Variants in NTM observed in about 807,000 individuals in gnomAD.
NTM encodes IgLON family member 2.
In NTM, 13 loss-of-function variants were observed where a neutral mutation model predicts 42.1. That is an observed-to-expected ratio of 0.31 (90% CI 0.20 to 0.49). NTM has a LOEUF of 0.49. Ranked by LOEUF, NTM falls within the 20% of genes least tolerant of loss-of-function variation. NTM has a pLI of 0.99. For synonymous variants in NTM, 187 were observed against 179.2 expected, an observed-to-expected ratio of 1.04 and a Z score of -0.35; for missense variants, 373 against 452.8, an observed-to-expected ratio of 0.82 and a Z score of 1.60.
intron 1 of NTM, among the ~76,000 whole-genome samples, chr11:131,583,847 C>T (rs1363922210): frequency 1.3e-5 from 2 of 152,134 alleles, no homozygotes; most frequent in African/African-American, 4.8e-5. Context: ...TTGTATGAAA[C>T]CCATAGATGA....
intron 2 of NTM, among the ~76,000 whole-genome samples, chr11:132,004,637 CACACACACACACACACA>C (rs1431961828): frequency 6.9e-6 from 1 of 144,860 alleles, no homozygotes; most frequent in African/African-American, 2.5e-5. Context: ...CTCTCTCTCA[CACACACACACACACACA>C]ACACACACAC....
chr11:131,929,193 G>A (rs1219716281), intron 2 of NTM, among the ~76,000 whole-genome samples: 1 of 152,216 alleles, frequency 6.6e-6, no homozygotes, highest in African/African-American at 2.4e-5. Context: ...CCTGGTTAGG[G>A]GAAGGCCCTC....
intron 1 of NTM, among the ~76,000 whole-genome samples, chr11:131,409,277 G>C (rs536882374): frequency 6.6e-6 from 1 of 152,340 alleles, no homozygotes; most frequent in South Asian, 2.1e-4. Flanking sequence ...AATGGAGATT[G>C]AGAATGGACA....
At chr11:131,507,597 G>C (rs2047649742) in intron 1 of NTM, among the ~76,000 whole-genome samples, 1 of 150,606 alleles carries the variant, frequency 6.6e-6, no homozygotes, top group African/African-American at 2.4e-5. Flanking sequence ...TGTGAAGAAA[G>C]TCATTGGTAG....
At chr11:132,005,734 A>G (rs1319292266) in intron 2 of NTM, among the ~76,000 whole-genome samples, 1 of 152,070 alleles carries the variant, frequency 6.6e-6, no homozygotes, top group Non-Finnish European at 1.5e-5. Context: ...GAGAGAGGAA[A>G]GAGGTGCTCA....
intron 2 of NTM, among the ~76,000 whole-genome samples, chr11:132,023,499 GC>G (rs1469099896): frequency 6.6e-6 from 1 of 152,192 alleles, no homozygotes; most frequent in Non-Finnish European, 1.5e-5. Flanking sequence ...GGCTGGCGGG[GC>G]TAGGGTGGGC....
chr11:131,487,985 G>T (rs939644147), intron 1 of NTM, among the ~76,000 whole-genome samples: 2 of 152,192 alleles, frequency 1.3e-5, no homozygotes, highest in African/African-American at 4.8e-5. Context: ...ACCAGAGCTG[G>T]TAGTGGGGAA....
intron 1 of NTM, among the ~76,000 whole-genome samples, chr11:131,562,731 C>T (rs2056394320): frequency 6.6e-6 from 1 of 152,214 alleles, no homozygotes; most frequent in Non-Finnish European, 1.5e-5. Context: ...ATCCCATTAA[C>T]AGTGGTACAG....
chr11:132,078,355 G>A (rs1049005418), intron 2 of NTM, among the ~76,000 whole-genome samples: 1 of 152,176 alleles, frequency 6.6e-6, no homozygotes, highest in Non-Finnish European at 1.5e-5. Flanking sequence ...GCCTAGAGTC[G>A]GGCTTAGTTT....
chr11:132,015,266 C>G (rs1189956701), intron 2 of NTM, among the ~76,000 whole-genome samples: 1 of 151,952 alleles, frequency 6.6e-6, no homozygotes, highest in South Asian at 2.1e-4. Flanking sequence ...TGATTTTATG[C>G]CAATACCATG....
chr11:132,284,319 G>C (rs1247102531), intron 4 of NTM: 2 of 152,334 alleles, frequency 1.3e-5, no homozygotes, highest in Admixed American at 1.3e-4. Context: ...AGTCGGCCTG[G>C]TTGATTTCTG....
intron 1 of NTM, among the ~76,000 whole-genome samples, chr11:131,528,420 GTTC>G (rs1394221627): frequency 1.3e-5 from 2 of 152,202 alleles, no homozygotes; most frequent in Non-Finnish European, 1.5e-5. Flanking sequence ...TGAGAGAGGT[GTTC>G]TTCTTATCTG....
intron 1 of NTM, among the ~76,000 whole-genome samples, chr11:131,709,964 A>G (rs1308224406): frequency 3.9e-5 from 6 of 152,162 alleles, no homozygotes; most frequent in Non-Finnish European, 5.9e-5. Flanking sequence ...AGTGTACTGT[A>G]AAGAGGAAAT....
At position 131,637,692 on chromosome 11, in the gene NTM, T is replaced by C. The variant is rs150819217; in HGVS notation, c.82+266804T>C. On this transcript the variant is annotated intron_variant, in intron 1 of 8. Coordinates refer to ENST00000683400, the MANE Select transcript of NTM (RefSeq NM_001352005.2). Reference sequence around the variant, plus strand: ...TCCTCACCACCAACCGTCTTTCCAGTTCCTGTGGTGCCCAAGCCAAAAGAA... The same window carrying C: ...TCCTCACCACCAACCGTCTTTCCAGCTCCTGTGGTGCCCAAGCCAAAAGAA... Among the ~76,000 whole-genome samples the C allele has an allele frequency of 5.0e-3, 755 of 152,052 alleles. 14 individuals are homozygous for C. Among genetic ancestry groups the C allele is most frequent in the African/African-American group, 0.018 (728 of 41,470 alleles).
At chr11:131,574,141 C>T (rs318957) in intron 1 of NTM, among the ~76,000 whole-genome samples, 81,648 of 151,466 alleles carry the variant, frequency 0.54, 22,203 homozygotes, top group South Asian at 0.68. Context: ...CTCTAACGTG[C>T]TTAGAGAGTC....
At chr11:132,320,970 C>CTGTT (rs1392521892) in intron 7 of NTM, among the ~76,000 whole-genome samples, 2 of 150,892 alleles carry the variant, frequency 1.3e-5, no homozygotes, top group East Asian at 1.9e-4. Flanking sequence ...AGGGTCCTGT[C>CTGTT]TGTTAGAAGG....
chr11:131,407,375 C>T (rs890895913), intron 1 of NTM, among the ~76,000 whole-genome samples: 2 of 152,192 alleles, frequency 1.3e-5, no homozygotes, highest in African/African-American at 4.8e-5. Context: ...TATACAAGAG[C>T]TACATACAAT....
In NTM at chr11:131,518,115, C is replaced by T. The variant is rs542209779; in HGVS notation, c.82+147227C>T. ...AAATATTCTTTCATTCCTTCACTCACCAAATATTGATTGAGGGGCTGGGGA... is the reference window on the plus strand; with the variant it reads ...AAATATTCTTTCATTCCTTCACTCATCAAATATTGATTGAGGGGCTGGGGA... On this transcript the variant is annotated intron_variant, in intron 1 of 8. Coordinates refer to ENST00000683400, the MANE Select transcript of NTM (RefSeq NM_001352005.2). 5.5e-4 allele frequency among the ~76,000 whole-genome samples: 83 copies of T among 152,278 alleles called. 1 individual carries two copies. The highest frequency in any genetic ancestry group is 1.9e-3 in the African/African-American group (77 of 41,538).
At chr11:132,096,527 A>G (rs931740236) in intron 2 of NTM, among the ~76,000 whole-genome samples, 1 of 152,196 alleles carries the variant, frequency 6.6e-6, no homozygotes, top group Non-Finnish European at 1.5e-5. Context: ...ATGGAGTATT[A>G]CTTATAATAT....
Sources: gnomAD v4.1 joint callset for allele counts (sites outside exome capture counted in the v4.1 genomes callset) on GRCh38, gnomAD v4.1.1 for gene constraint, MANE v1.5 for transcripts, NCBI Gene and HGNC (gene_info 2026-07-23, HGNC 2026-07-21) for gene names.